The following WDR43 variants were observed in gnomAD, a reference collection of about 807,000 sequenced individuals.
WDR43 encodes the protein WD repeat domain 43.
A neutral mutation model predicts 91.4 loss-of-function variants in WDR43; 13 were observed. The ratio of observed to expected loss-of-function variants is 0.14; its 90% confidence interval spans 0.09 to 0.23. The LOEUF (loss-of-function observed/expected upper bound fraction) is 0.23. WDR43 is among the 10% of genes least tolerant of loss of function. The probability of loss-of-function intolerance (pLI) is 1.00; values close to 1 mark genes in which losing one functional copy is unlikely to be tolerated. For synonymous variants in WDR43, 331 were observed against 287.9 expected (o/e 1.15, Z -1.51); for missense variants, 780 against 809.4 (o/e 0.96, Z 0.44).
intron 5 of WDR43, among the ~76,000 whole-genome samples, chr2:28,917,656 T>C (rs1456361296): frequency 6.6e-6 from 1 of 152,244 alleles, no homozygotes; most frequent in Non-Finnish European, 1.5e-5. Context: ...ATGTTACTCA[T>C]TGTTTAAATC....
Position 28,947,208 on chromosome 2 carries a change from A to T in WDR43, c.*429A>T, listed in dbSNP as rs1318017820. 6 of 152,462 alleles carry T rather than the reference A, an allele frequency of 3.9e-5. No homozygotes were observed. Among genetic ancestry groups the T allele is most frequent in the African/African-American group, 1.4e-4 (6 of 41,418 alleles). The allele number at this position is 152,462 out of a possible 1,614,324, so 9.4% of individuals were successfully genotyped here. On this transcript the variant is annotated 3_prime_UTR_variant, in exon 18 of 18. Coordinates refer to ENST00000407426, the MANE Select transcript of WDR43 (RefSeq NM_015131.3). ...CAGATGCAAAGCAGCACTAGTGAAAATTTTTTTAATTTAGTACATTTAATT... is the reference window on the plus strand; with the variant it reads ...CAGATGCAAAGCAGCACTAGTGAAATTTTTTTTAATTTAGTACATTTAATT...
chr2:28,897,535 C>T (rs1670506600), intron 1 of WDR43, among the ~76,000 whole-genome samples: 1 of 152,052 alleles, frequency 6.6e-6, no homozygotes, highest in South Asian at 2.1e-4. Context: ...TGTAGTATGG[C>T]CTAGTATGTA....
At chr2:28,935,629 T>C (rs1311515020) in intron 12 of WDR43, 22 bp downstream of exon 12, 20 of 1,517,582 alleles carry the variant, frequency 1.3e-5, no homozygotes, top group Non-Finnish European at 1.7e-5. Context: ...CTTTTTTCAT[T>C]TCAGCATCCT....
chr2:28,914,650 G>A (rs1670872425), intron 5 of WDR43, among the ~76,000 whole-genome samples: 1 of 152,142 alleles, frequency 6.6e-6, no homozygotes, highest in Non-Finnish European at 1.5e-5. Flanking sequence ...TAAAAATCAG[G>A]CCGGGTGCCG....
At chr2:28,924,873 G>A (rs768929644) in intron 7 of WDR43, 109 bp from the exon 8 acceptor site, 25 of 1,315,546 alleles carry the variant, frequency 1.9e-5, no homozygotes, top group Non-Finnish European at 2.6e-5. Flanking sequence ...CCTGATGGCA[G>A]TATAGAGGCT....
chr2:28,938,144 G>A (rs4233731), intron 14 of WDR43, 150 bp downstream of exon 14: 704,525 of 765,578 alleles, frequency 0.92, 324,702 homozygotes, highest in Non-Finnish European at 0.94. Context: ...GTTTTACCCC[G>A]GGTGCAATGA....
In WDR43 at chr2:28,914,214, T is replaced by TC. The variant is rs762687813; in HGVS notation, c.746+6_746+7insC. ...GACCGGTTACTTAATGTCTGGTATG[T>TC]AGTTCTTTTGGATTTGGGAGGTAGC... On this transcript the variant is annotated splice_region_variant and intron_variant, in intron 5 of 17. Transcript: ENST00000407426. 1 of 1,608,502 alleles carries TC rather than the reference T, an allele frequency of 6.2e-7. No individual in the cohort carries two copies. Among genetic ancestry groups the TC allele is most frequent in the Non-Finnish European group, 8.5e-7 (1 of 1,178,082 alleles).
rs1486106968 is a variant in WDR43 at position 28,906,579 on chromosome 2, G to A, written c.483G>A (p.Lys161=). The change falls in exon 3 of 18, where the codon AAG becomes AAA. Residue 161 remains lysine, a splice_region_variant and synonymous_variant. Coordinates refer to ENST00000407426, the MANE Select transcript of WDR43 (RefSeq NM_015131.3). ...VEWNVQTCKV[K]CKWKGDNSSV... ...GGAACGTACAGACATGCAAAGTAAA[G>A]TGGTGAGTAACATTCATGGTATCAG... The A allele has an allele frequency of 6.2e-7, 1 of 1,611,322 alleles. No individual in the cohort carries two copies. The highest frequency in any genetic ancestry group is 1.3e-5 in the African/African-American group (1 of 74,918).
intron 7 of WDR43, 122 bp from the exon 8 acceptor site, chr2:28,924,860 A>G: frequency 9.0e-7 from 1 of 1,110,196 alleles, no homozygotes; most frequent in Non-Finnish European, 1.3e-6. Context: ...GACCCAGGTG[A>G]CTCCTGATGG....
Position 28,922,914 on chromosome 2 carries a change from T to C in WDR43, c.850-5T>C, listed in dbSNP as rs1220736224. On this transcript the variant is annotated splice_polypyrimidine_tract_variant and splice_region_variant and intron_variant, in intron 6 of 17. Coordinates refer to ENST00000407426, the MANE Select transcript of WDR43 (RefSeq NM_015131.3). Reference sequence around the variant, plus strand: ...TATAATACGTTGGTTACATTTTTCTTTTAGCCTGTCAAGTTGGCTGTTGTT... The same window carrying C: ...TATAATACGTTGGTTACATTTTTCTCTTAGCCTGTCAAGTTGGCTGTTGTT... 1 of 1,611,068 alleles carries C rather than the reference T, an allele frequency of 6.2e-7. No homozygotes were observed.
chr2:28,901,781 G>T (rs1368682933), intron 1 of WDR43, among the ~76,000 whole-genome samples: 1 of 152,114 alleles, frequency 6.6e-6, no homozygotes, highest in Non-Finnish European at 1.5e-5. Flanking sequence ...CCATAGGGGT[G>T]GGAGACGGGG....
chr2:28,927,431 T>C, intron 9 of WDR43, 138 bp from the exon 10 acceptor site: 4 of 1,041,458 alleles, frequency 3.8e-6, no homozygotes, highest in Non-Finnish European at 5.4e-6. Flanking sequence ...ATTTAAAATA[T>C]ATCTTAAATT....
At chr2:28,938,519 C>A (rs1369361921) in intron 14 of WDR43, among the ~76,000 whole-genome samples, 1 of 152,064 alleles carries the variant, frequency 6.6e-6, no homozygotes, top group East Asian at 1.9e-4. Flanking sequence ...GAGTTGGGTT[C>A]TTTGCCACAT....
chr2:28,933,294 T>G (rs141574108), intron 11 of WDR43, among the ~76,000 whole-genome samples: 79 of 152,208 alleles, frequency 5.2e-4, no homozygotes, highest in Middle Eastern at 3.4e-3. Flanking sequence ...AAATATAGAT[T>G]AAGGGGCCAA....
At chr2:28,921,981 A>G (rs1671037993) in intron 6 of WDR43, among the ~76,000 whole-genome samples, 1 of 152,128 alleles carries the variant, frequency 6.6e-6, no homozygotes, top group South Asian at 2.1e-4. Flanking sequence ...AAGTGCTGGG[A>G]TTACAGGCCT....
In WDR43 at chr2:28,946,629, T is replaced by C. The variant is rs1288486483; in HGVS notation, c.1884T>C (p.Ser628=). Reference sequence around the variant, plus strand: ...ATTGGGATGAAGATGAGGAGGAGAGTGAAAGTGAAAAAGATGAGGACGTTG... The same window carrying C: ...ATTGGGATGAAGATGAGGAGGAGAGCGAAAGTGAAAAAGATGAGGACGTTG... ...EDNWDEDEEE[S]ESEKDEDVEE... Residue 628 remains serine (S), a synonymous_variant, in exon 18 of 18, where the codon AGT becomes AGC. Coordinates refer to ENST00000407426, the MANE Select transcript of WDR43 (RefSeq NM_015131.3). 28 of 1,555,228 alleles carry C rather than the reference T, an allele frequency of 1.8e-5. No homozygotes were observed. The highest frequency in any genetic ancestry group is 2.3e-5 in the Non-Finnish European group (27 of 1,149,242).
chr2:28,937,223 C>T (rs946373624), intron 13 of WDR43, among the ~76,000 whole-genome samples: 3 of 152,164 alleles, frequency 2.0e-5, no homozygotes, highest in African/African-American at 2.4e-5. Flanking sequence ...CGTAAAACTG[C>T]TGCTTATAGT....
chr2:28,922,857 A>T, intron 6 of WDR43, 62 bp from the exon 7 acceptor site: 2 of 1,291,066 alleles, frequency 1.5e-6, no homozygotes, highest in Non-Finnish European at 2.1e-6. Context: ...AGTTTTCATA[A>T]GGTAGATTGG....
rs548202004 is a variant in WDR43 at position 28,946,511 on chromosome 2, G to A, written c.1854+12G>A. ...ATAAGGATTCTGAAGTGAGTGATTT[G>A]TTCCCTGTATATACATCGGCCTTTA... On this transcript the variant is annotated intron_variant, in intron 17 of 17. Coordinates refer to ENST00000407426, the MANE Select transcript of WDR43 (RefSeq NM_015131.3). 4.8e-5 allele frequency: 78 copies of A among 1,608,938 alleles called. 1 individual carries two copies. In the South Asian group the frequency reaches 8.2e-4, roughly 17 times the overall value.
Sources: gnomAD v4.1 joint callset for allele counts (sites outside exome capture counted in the v4.1 genomes callset) on GRCh38, gnomAD v4.1.1 for gene constraint, MANE v1.5 for transcripts, NCBI Gene and HGNC (gene_info 2026-07-23, HGNC 2026-07-21) for gene names.